ZNF831: variants seen among roughly 807,000 people sequenced by gnomAD.
ZNF831 encodes the protein zinc finger protein 831.
Under a neutral mutation model 95.8 loss-of-function variants are expected in ZNF831, and 59 were observed. The observed-to-expected ratio is 0.62, with a 90% CI of 0.50 to 0.77. The LOEUF is 0.77. ZNF831 is among the 30% of genes least tolerant of loss of function. The probability of loss-of-function intolerance (pLI) is 0.00; values close to 1 mark genes in which losing one functional copy is unlikely to be tolerated. For missense variants in ZNF831, 2,205 were observed against 2,164.0 expected (o/e 1.02, Z -0.38); for synonymous variants, 961 against 925.5 (o/e 1.04, Z -0.70).
rs769019426 is a variant in ZNF831 at position 59,193,514 on chromosome 20, G to A, written c.2495G>A (p.Ser832Asn). Residue 832 changes from serine to asparagine, a missense_variant, in exon 2 of 6, where the codon AGC becomes AAC. Physicochemically the swap from Ser to Asn is conservative, Grantham distance 46. Coordinates refer to ENST00000371030, the MANE Select transcript of ZNF831 (RefSeq NM_178457.3). ...AAGCTGAAAGTGGAGGACCTGCACA[G>A]CTGGAAGCAACCAGAGCCTGTGAGC... ...RKKLKVEDLH[S>N]WKQPEPVSAE... 1.1e-5 allele frequency: 18 copies of A among 1,609,566 alleles called. No homozygotes were observed. Among genetic ancestry groups the A allele is most frequent in the Non-Finnish European group, 1.4e-5 (17 of 1,178,032 alleles).
In ZNF831 at chr20:59,192,483, C is replaced by T. The variant is rs1184873694; in HGVS notation, c.1464C>T (p.Val488=). 1 of 1,576,888 alleles carries T rather than the reference C, an allele frequency of 6.3e-7. No individual in the cohort carries two copies. ...DKSRPLFFHS[V]PTQLSTTVEC... is the part of the protein sequence containing the mutation. ...CTCGGCCCCTCTTCTTCCACTCCGT[C>T]CCCACTCAGCTCTCCACCACCGTGG... Residue 488 remains valine, a synonymous_variant, in exon 2 of 6, where the codon GTC becomes GTT. Transcript: ENST00000371030. The surrounding 1 kb of genome is among the most constrained non-coding windows in gnomAD (Gnocchi z 5.2).
intron 5 of ZNF831, among the ~76,000 whole-genome samples, chr20:59,253,526 A>C (rs899106207): frequency 6.6e-6 from 1 of 152,096 alleles, no homozygotes; most frequent in Non-Finnish European, 1.5e-5. Flanking sequence ...TCCGGAAAAA[A>C]CCAAAAAACC....
At chr20:59,166,129 T>C (rs1981242010) in intron 1 of ZNF831, among the ~76,000 whole-genome samples, 1 of 152,192 alleles carries the variant, frequency 6.6e-6, no homozygotes, top group Non-Finnish European at 1.5e-5. Flanking sequence ...GGTAGTGATG[T>C]CAATTTTCCT....
At chr20:59,181,590 A>G (rs755066790) in intron 1 of ZNF831, among the ~76,000 whole-genome samples, 30 of 152,116 alleles carry the variant, frequency 2.0e-4, no homozygotes, top group Non-Finnish European at 4.0e-4. Context: ...GCATATGGCT[A>G]GCCAGTTTTC....
Position 59,201,290 on chromosome 20 carries a change from G to A in ZNF831, c.3875+5285G>A, listed in dbSNP as rs543659490. On this transcript the variant is annotated intron_variant, in intron 3 of 5. Coordinates refer to ENST00000371030, the MANE Select transcript of ZNF831 (RefSeq NM_178457.3). ...TTAGCATTTGTATATCTTCTCTGGC[G>A]AAGTGTCTCTTCAAATCTTTTGCGC... Among the ~76,000 whole-genome samples the A allele has an allele frequency of 1.2e-3, 179 of 152,146 alleles. 1 individual carries two copies. The highest frequency in any genetic ancestry group is 4.0e-3 in the African/African-American group (165 of 41,530).
At chr20:59,136,584 C>T (rs752395153) in intron 1 of ZNF831, among the ~76,000 whole-genome samples, 6 of 152,272 alleles carry the variant, frequency 3.9e-5, no homozygotes, top group Admixed American at 6.5e-5. Context: ...TGATCCTTTG[C>T]GGTAGATACT....
chr20:59,191,362 G>A lies in ZNF831; in HGVS notation c.343G>A (p.Val115Met). The change falls in exon 2 of 6, where the codon GTG (valine) becomes ATG (methionine). Residue 115 changes from valine (V) to methionine (M), a missense_variant. By Grantham distance (21) the Val-to-Met change is conservative. Coordinates refer to ENST00000371030, the MANE Select transcript of ZNF831 (RefSeq NM_178457.3). ...VGKPAAPTLT[V>M]NIVGTLPVLS... ...GAAGCCGGCGGCCCCTACGCTGACG[G>A]TGAACATCGTGGGCACTCTGCCTGT... is the stretch of plus-strand genomic sequence containing the variant. 3 of 1,608,216 alleles carry A rather than the reference G, an allele frequency of 1.9e-6. No homozygotes were observed. Among genetic ancestry groups the A allele is most frequent in the Non-Finnish European group, 2.5e-6 (3 of 1,177,292 alleles).
At chr20:59,157,467 CT>C (rs1980603461) in intron 2 of ZNF831, among the ~76,000 whole-genome samples, 1 of 152,062 alleles carries the variant, frequency 6.6e-6, no homozygotes, top group Non-Finnish European at 1.5e-5. Context: ...GCCCTGCCAC[CT>C]TCCAAAAAGG....
intron 3 of ZNF831, among the ~76,000 whole-genome samples, chr20:59,204,084 G>A (rs1328125597): frequency 2.0e-5 from 3 of 152,220 alleles, no homozygotes; most frequent in African/African-American, 4.8e-5. Flanking sequence ...ATGGAAATGA[G>A]CGAGGAGAAG....
chr20:59,222,985 G>GC (rs1348093390), intron 4 of ZNF831, among the ~76,000 whole-genome samples: 5 of 152,162 alleles, frequency 3.3e-5, no homozygotes, highest in Admixed American at 6.5e-5. Context: ...TGTCGTCACG[G>GC]CCCCCGCACC....
In ZNF831 at chr20:59,217,856, C is replaced by T. The variant is rs1324195151; in HGVS notation, c.4027+10800C>T. On this transcript the variant is annotated intron_variant, in intron 4 of 5. Transcript: ENST00000371030. The surrounding 1 kb of genome is among the most constrained non-coding windows in gnomAD (Gnocchi z 4.4). ...TGTCCACTGGGCACAATTTGATATT[C>T]TCACCAAATATTAATAGATGTGTTC... 6.6e-6 allele frequency among the ~76,000 whole-genome samples: 1 copy of T among 152,148 alleles called. No homozygotes were observed. The highest frequency in any genetic ancestry group is 2.4e-5 in the African/African-American group (1 of 41,416).
chr20:59,194,817 A>G (rs2146605310), intron 2 of ZNF831, 60 bp downstream of exon 2: 2 of 1,484,496 alleles, frequency 1.3e-6, no homozygotes, highest in Non-Finnish European at 1.8e-6. Context: ...ATCCCGTAAG[A>G]CCTCTCATGA....
In ZNF831 at chr20:59,206,887, T is replaced by A. The variant is rs748008494; in HGVS notation, c.3876-18T>A. On this transcript the variant is annotated intron_variant, in intron 3 of 5. Transcript: ENST00000371030. ...CTCTCCAGGCTGGTTACTGCAAGCA[T>A]GCTTCTCTCTTCTACAGGTACAAAG... The A allele has an allele frequency of 5.0e-6, 8 of 1,610,180 alleles. No homozygotes were observed. In the East Asian group the frequency reaches 1.6e-4, roughly 31 times the overall value.
At chr20:59,175,934 G>A (rs1021784333) in intron 1 of ZNF831, among the ~76,000 whole-genome samples, 17 of 152,206 alleles carry the variant, frequency 1.1e-4, no homozygotes, top group Admixed American at 3.3e-4. Context: ...TGGAAGTTGA[G>A]GTTCCCTACT....
chr20:59,173,660 A>G (rs1472853988), intron 1 of ZNF831, among the ~76,000 whole-genome samples: 1 of 152,132 alleles, frequency 6.6e-6, no homozygotes. Context: ...CACATTTCTC[A>G]TTGTCAAGGA....
Position 59,193,042 on chromosome 20 carries a change from G to T in ZNF831, c.2023G>T (p.Asp675Tyr), listed in dbSNP as rs1983742339. The change falls in exon 2 of 6, where the codon GAC becomes TAC. Residue 675 changes from aspartate to tyrosine, a missense_variant. By Grantham distance (160) the Asp-to-Tyr change is radical. Coordinates refer to ENST00000371030, the MANE Select transcript of ZNF831 (RefSeq NM_178457.3). ...AGSSGTVPTQ[D>Y]RRTPVHEDIS... is the part of the protein sequence containing the mutation. ...GAGCTCAGGCACAGTCCCCACCCAAGACAGGAGGACCCCTGTCCATGAGGA... is the reference window on the plus strand; with the variant it reads ...GAGCTCAGGCACAGTCCCCACCCAATACAGGAGGACCCCTGTCCATGAGGA... 1.9e-6 allele frequency: 3 copies of T among 1,575,618 alleles called. No individual in the cohort carries two copies. The African/African-American group carries it at 4.0e-5, about 21-fold the overall frequency.
At chr20:59,139,295 C>T (rs1298959725) in intron 1 of ZNF831, among the ~76,000 whole-genome samples, 8 of 151,878 alleles carry the variant, frequency 5.3e-5, no homozygotes, top group Non-Finnish European at 8.8e-5. Flanking sequence ...TGTTGAAGGG[C>T]ATTTATTTAT....
At position 59,193,777 on chromosome 20, in the gene ZNF831, G is replaced by T; in HGVS notation, c.2758G>T (p.Ala920Ser). ...AGCCCCCGCAGAGCACCCCTCGCTG[G>T]CCACCCCACCTCAGGCTCCTAGAGT... is the stretch of plus-strand genomic sequence containing the variant. ...APAPAEHPSL[A>S]TPPQAPRVLS... The change falls in exon 2 of 6, where the codon GCC becomes TCC. Residue 920 changes from alanine (A) to serine (S), a missense_variant. Coordinates refer to ENST00000371030, the MANE Select transcript of ZNF831 (RefSeq NM_178457.3). 1 of 1,606,726 alleles carries T rather than the reference G, an allele frequency of 6.2e-7. No individual in the cohort carries two copies. Among genetic ancestry groups the T allele is most frequent in the Non-Finnish European group, 8.5e-7 (1 of 1,176,292 alleles).
Position 59,192,993 on chromosome 20 carries a change from T to C in ZNF831, c.1974T>C (p.Phe658=). ...VGMGSGAELG[F]PLQKEAAGSS... ...TGGGCAGTGGGGCAGAACTGGGCTT[T>C]CCTCTGCAGAAAGAGGCAGCAGGGA... Residue 658 remains phenylalanine (F), a synonymous_variant, in exon 2 of 6, where the codon TTT becomes TTC. Transcript: ENST00000371030. This position sits in a 1 kb window ranked among gnomAD's most constrained non-coding sequence, Gnocchi z 5.2. 6.3e-7 allele frequency: 1 copy of C among 1,579,214 alleles called. No homozygotes were observed. The highest frequency in any genetic ancestry group is 1.2e-5 in the South Asian group (1 of 83,602).
Sources: gnomAD v4.1 joint callset for allele counts (sites outside exome capture counted in the v4.1 genomes callset) on GRCh38, gnomAD v4.1.1 for gene constraint, Gnocchi (gnomAD v3.1) non-coding constraint, MANE v1.5 for transcripts, NCBI Gene and HGNC (gene_info 2026-07-23, HGNC 2026-07-21) for gene names.